Variants in GTF2A1L observed in about 807,000 individuals in gnomAD.
GTF2A1L encodes TFIIA-alpha and beta-like factor.
Under a neutral mutation model 49.7 loss-of-function variants are expected in GTF2A1L, and 48 were observed. That is an observed-to-expected ratio of 0.97 (90% CI 0.77 to 1.23). The LOEUF (loss-of-function observed/expected upper bound fraction) is 1.23, where lower values mean the gene tolerates loss of function less well. Ranked by LOEUF, GTF2A1L falls within the 50% of genes most tolerant of loss-of-function variation. The pLI is 0.00. For synonymous variants in GTF2A1L, 246 were observed against 193.5 expected (o/e 1.27, Z -2.25); for missense variants, 736 against 564.8 (o/e 1.30, Z -3.07).
intron 8 of GTF2A1L, among the ~76,000 whole-genome samples, chr2:48,677,137 G>A (rs2104328438): frequency 6.6e-6 from 1 of 151,820 alleles, no homozygotes; most frequent in South Asian, 2.1e-4. Flanking sequence ...TGTCTGGTAA[G>A]GTTAGTAATT....
Position 48,646,554 on chromosome 2 carries a change from C to G in GTF2A1L, c.490C>G (p.Gln164Glu). 2 of 1,614,148 alleles carry G rather than the reference C, an allele frequency of 1.2e-6. No homozygotes were observed. The highest frequency in any genetic ancestry group is 1.7e-6 in the Non-Finnish European group (2 of 1,180,034). The change falls in exon 6 of 9, where the codon CAG (glutamine) becomes GAG (glutamate). Residue 164 changes from glutamine (Q) to glutamate (E), a missense_variant. Coordinates refer to ENST00000403751, the MANE Select transcript of GTF2A1L (RefSeq NM_006872.5). ...TCAGCAAGTATTTCAACAGCTTGGC[C>G]AGCCTTCAGTAATACAAACTAGTGT... ...PIQQVFQQLG[Q>E]PSVIQTSVPQ...
intron 6 of GTF2A1L, among the ~76,000 whole-genome samples, chr2:48,667,063 C>G (rs1248558009): frequency 6.6e-6 from 1 of 151,628 alleles, no homozygotes; most frequent in African/African-American, 2.4e-5. Context: ...TCCCTGGGCT[C>G]AGGTGATCTT....
intron 5 of GTF2A1L, among the ~76,000 whole-genome samples, chr2:48,646,008 C>G (rs1677482841): frequency 6.6e-6 from 1 of 150,864 alleles, no homozygotes; most frequent in Non-Finnish European, 1.5e-5. Context: ...AATTTGATTA[C>G]TTTTGAAATC....
rs114314290 is a variant in GTF2A1L, at chr2:48,627,376, C to T, written c.247+6086C>T. 3.1e-4 allele frequency among the ~76,000 whole-genome samples: 45 copies of T among 143,630 alleles called. 3 individuals carry two copies. Among genetic ancestry groups the T allele is most frequent in the African/African-American group, 8.6e-4 (35 of 40,492 alleles). The allele number at this position is 143,630 out of a possible 152,430, so 94.2% of individuals were successfully genotyped here. A position where few individuals can be genotyped will look rare whatever the true frequency, so the allele number is the denominator to read the frequency against. ...TTGCACTTTGAATGGCTTTTTAACA[C>T]GTGTAATGTTACAGCATACATTGGT... is the stretch of plus-strand genomic sequence containing the variant. On this transcript the variant is annotated intron_variant, in intron 3 of 8. Transcript: ENST00000403751.
chr2:48,643,998 C>G lies in GTF2A1L; in HGVS notation c.304-1035C>G, dbSNP rs576802059. ...ACAGGCGTGAGCCACCGTGCCCGGC[C>G]TGTACAAAATTTTTTTAAAAAAATT... is the stretch of plus-strand genomic sequence containing the variant. On this transcript the variant is annotated intron_variant, in intron 4 of 8. Transcript: ENST00000403751. 6.6e-5 allele frequency among the ~76,000 whole-genome samples: 10 copies of G among 151,732 alleles called. No homozygotes were observed. The South Asian group carries it at 2.1e-3, about 31-fold the overall frequency.
intron 3 of GTF2A1L, among the ~76,000 whole-genome samples, chr2:48,622,323 T>C (rs1205665470): frequency 1.3e-5 from 2 of 152,256 alleles, no homozygotes; most frequent in Admixed American, 6.5e-5. Context: ...AATTTTGCTC[T>C]GTAAGAATTA....
At chr2:48,677,468 C>A (rs1051534308) in intron 8 of GTF2A1L, among the ~76,000 whole-genome samples, 3 of 151,812 alleles carry the variant, frequency 2.0e-5, no homozygotes, top group African/African-American at 4.8e-5. Flanking sequence ...TAGGAGTATG[C>A]CCGTGTGTTC....
At chr2:48,618,461 G>C (rs1464409380) in intron 1 of GTF2A1L, among the ~76,000 whole-genome samples, 2 of 152,076 alleles carry the variant, frequency 1.3e-5, no homozygotes, top group African/African-American at 4.8e-5. Context: ...GTGGCACTTA[G>C]GAGACCATCA....
chr2:48,635,573 C>G (rs189042630), intron 3 of GTF2A1L, among the ~76,000 whole-genome samples: 1 of 152,078 alleles, frequency 6.6e-6, no homozygotes, highest in East Asian at 1.9e-4. Flanking sequence ...CCAGGAGAGA[C>G]TGCAACTGTA....
chr2:48,658,449 C>T (rs1279657938), intron 6 of GTF2A1L, among the ~76,000 whole-genome samples: 2 of 152,130 alleles, frequency 1.3e-5, no homozygotes, highest in Non-Finnish European at 2.9e-5. Flanking sequence ...CTATTCTGTT[C>T]CATTGGTCTA....
chr2:48,677,646 G>A (rs1196157228), intron 8 of GTF2A1L, among the ~76,000 whole-genome samples: 2 of 152,092 alleles, frequency 1.3e-5, no homozygotes, highest in East Asian at 1.9e-4. Flanking sequence ...GTTTATAGTA[G>A]ACTGAAGTGG....
At chr2:48,636,242 C>A (rs1471401057) in intron 3 of GTF2A1L, among the ~76,000 whole-genome samples, 1 of 152,218 alleles carries the variant, frequency 6.6e-6, no homozygotes, top group African/African-American at 2.4e-5. Flanking sequence ...CCAGCTTAAA[C>A]AATGACACAA....
intron 6 of GTF2A1L, among the ~76,000 whole-genome samples, chr2:48,663,071 GA>G (rs564468700): frequency 6.6e-6 from 1 of 151,800 alleles, no homozygotes; most frequent in Non-Finnish European, 1.5e-5. Context: ...AAGTAAAAGT[GA>G]AAAAAAGAGA....
intron 6 of GTF2A1L, among the ~76,000 whole-genome samples, chr2:48,656,716 A>AT (rs1247087751): frequency 6.6e-6 from 1 of 151,586 alleles, no homozygotes; most frequent in Non-Finnish European, 1.5e-5. Flanking sequence ...CATTTTATCT[A>AT]TTTTTTTCTT....
intron 6 of GTF2A1L, among the ~76,000 whole-genome samples, chr2:48,661,158 G>A (rs1458195393): frequency 2.1e-5 from 3 of 145,714 alleles, no homozygotes; most frequent in East Asian, 2.1e-4. Flanking sequence ...TTTTTAAGAT[G>A]TAAAGTTAAA....
At chr2:48,656,348 GT>G (rs367837291) in intron 6 of GTF2A1L, among the ~76,000 whole-genome samples, 56,907 of 113,976 alleles carry the variant, frequency 0.5, 14,374 homozygotes, top group East Asian at 0.87. Flanking sequence ...CTTATTTTCT[GT>G]TTTTTTTTTT....
intron 6 of GTF2A1L, among the ~76,000 whole-genome samples, chr2:48,660,568 C>T (rs1678433463): frequency 6.6e-6 from 1 of 151,820 alleles, no homozygotes; most frequent in South Asian, 2.1e-4. Context: ...TGTAAGTGTT[C>T]ATAGTTTTCT....
At chr2:48,620,339 G>A (rs1456057700) in intron 1 of GTF2A1L, among the ~76,000 whole-genome samples, 2 of 152,154 alleles carry the variant, frequency 1.3e-5, no homozygotes, top group Non-Finnish European at 2.9e-5. Flanking sequence ...TGAGACTATG[G>A]GTCTGAAGCT....
At chr2:48,654,267 C>T (rs1364985131) in intron 6 of GTF2A1L, among the ~76,000 whole-genome samples, 1 of 152,078 alleles carries the variant, frequency 6.6e-6, no homozygotes, top group Non-Finnish European at 1.5e-5. Context: ...ATTTTGACTT[C>T]TGCTTCATGT....
Sources: gnomAD v4.1 joint callset for allele counts (sites outside exome capture counted in the v4.1 genomes callset) on GRCh38, gnomAD v4.1.1 for gene constraint, MANE v1.5 for transcripts, NCBI Gene and HGNC (gene_info 2026-07-23, HGNC 2026-07-21) for gene names.